CSMD1: variants seen among roughly 807,000 people sequenced by gnomAD.
CSMD1 encodes CUB and sushi domain-containing protein 1.
Under a neutral mutation model 417.5 loss-of-function variants are expected in CSMD1, and 213 were observed. That is an observed-to-expected ratio of 0.51 (90% CI 0.46 to 0.57). CSMD1 has a LOEUF of 0.57. Among genes scored for constraint, CSMD1 ranks in the 20% least tolerant of loss-of-function variants. CSMD1 has a pLI of 0.00. For missense variants in CSMD1, 6,923 were observed against 4,529.7 expected, an observed-to-expected ratio of 1.53 and a Z score of -15.17; for synonymous variants, 2,862 against 1,736.8, an observed-to-expected ratio of 1.65 and a Z score of -16.11.
At chr8:4,918,304 C>A (rs958401285) in intron 1 of CSMD1, among the ~76,000 whole-genome samples, 1 of 152,112 alleles carries the variant, frequency 6.6e-6, no homozygotes, top group Non-Finnish European at 1.5e-5. Flanking sequence ...TTATGAGCTT[C>A]GAAAATCACA....
chr8:4,924,976 G>A (rs981196138), intron 1 of CSMD1, among the ~76,000 whole-genome samples: 6 of 151,970 alleles, frequency 3.9e-5, no homozygotes, highest in African/African-American at 1.5e-4. Context: ...ATCCACCATG[G>A]TGTCTACATT....
chr8:4,548,151 T>C (rs1383759888), intron 2 of CSMD1, among the ~76,000 whole-genome samples: 2 of 151,686 alleles, frequency 1.3e-5, no homozygotes, highest in African/African-American at 4.9e-5. Flanking sequence ...GTACCGAATG[T>C]CTAGGATTGG....
intron 10 of CSMD1, among the ~76,000 whole-genome samples, chr8:3,539,824 G>A (rs999832362): frequency 1.3e-5 from 2 of 151,032 alleles, no homozygotes; most frequent in Non-Finnish European, 2.9e-5. Context: ...AACTCTAGAC[G>A]TGTTAAGGTG....
At chr8:4,733,734 C>G (rs536588658) in intron 1 of CSMD1, among the ~76,000 whole-genome samples, 1 of 152,150 alleles carries the variant, frequency 6.6e-6, no homozygotes, top group South Asian at 2.1e-4. Flanking sequence ...TGTAGGAACC[C>G]ATGAAAGTAA....
intron 2 of CSMD1, among the ~76,000 whole-genome samples, chr8:4,422,388 G>C (rs1797296562): frequency 6.6e-6 from 1 of 152,180 alleles, no homozygotes; most frequent in East Asian, 1.9e-4. Flanking sequence ...TTTGGAAATG[G>C]GGCTTTACAG....
At chr8:4,308,891 T>C (rs1253171427) in intron 3 of CSMD1, among the ~76,000 whole-genome samples, 2 of 152,180 alleles carry the variant, frequency 1.3e-5, no homozygotes, top group East Asian at 3.9e-4. Context: ...AACACATGGT[T>C]TAAAATACTC....
At chr8:4,512,685 A>C (rs1336778868) in intron 2 of CSMD1, among the ~76,000 whole-genome samples, 1 of 152,196 alleles carries the variant, frequency 6.6e-6, no homozygotes, top group Non-Finnish European at 1.5e-5. Context: ...AATACCATTT[A>C]CATTAGCATA....
chr8:3,599,294 T>G (rs150722332), intron 8 of CSMD1, among the ~76,000 whole-genome samples: 1 of 151,502 alleles, frequency 6.6e-6, no homozygotes, highest in African/African-American at 2.4e-5. Context: ...CGTGTGTATG[T>G]GTGGGTGCTG....
At chr8:4,381,983 T>C (rs1267351966) in intron 3 of CSMD1, among the ~76,000 whole-genome samples, 3 of 152,078 alleles carry the variant, frequency 2.0e-5, no homozygotes, top group Admixed American at 6.6e-5. Context: ...TGTGGTAAAA[T>C]GACCGGACCA....
At chr8:4,653,137 A>C (rs1804016204) in intron 1 of CSMD1, among the ~76,000 whole-genome samples, 1 of 152,102 alleles carries the variant, frequency 6.6e-6, no homozygotes, top group African/African-American at 2.4e-5. Context: ...CAGCCCATTT[A>C]GTAGAAATTT....
At chr8:3,973,563 A>T (rs888246490) in intron 5 of CSMD1, among the ~76,000 whole-genome samples, 1 of 152,210 alleles carries the variant, frequency 6.6e-6, no homozygotes. Flanking sequence ...CTTTCTTGTC[A>T]TTCTAGAATT....
intron 5 of CSMD1, among the ~76,000 whole-genome samples, chr8:3,851,822 G>A (rs1285435427): frequency 6.6e-6 from 1 of 152,172 alleles, no homozygotes. Context: ...AAGGATGAGA[G>A]ACTGAGGGCG....
At chr8:4,542,321 TC>T (rs1797428941) in intron 2 of CSMD1, among the ~76,000 whole-genome samples, 1 of 152,068 alleles carries the variant, frequency 6.6e-6, no homozygotes, top group African/African-American at 2.4e-5. Context: ...ATTGTCGTTC[TC>T]CATAACAGAA....
At chr8:4,649,335 A>C (rs1404801998) in intron 1 of CSMD1, among the ~76,000 whole-genome samples, 1 of 152,246 alleles carries the variant, frequency 6.6e-6, no homozygotes, top group Non-Finnish European at 1.5e-5. Flanking sequence ...GAACATTGAC[A>C]GAGTACCTAT....
At chr8:3,723,729 T>C (rs1202574553) in intron 6 of CSMD1, among the ~76,000 whole-genome samples, 1 of 152,212 alleles carries the variant, frequency 6.6e-6, no homozygotes, top group Non-Finnish European at 1.5e-5. Flanking sequence ...TATTGCACAA[T>C]ATCTAACTTA....
intron 3 of CSMD1, among the ~76,000 whole-genome samples, chr8:4,213,924 T>C (rs1800475312): frequency 6.6e-6 from 1 of 152,228 alleles, no homozygotes; most frequent in Admixed American, 6.5e-5. Context: ...GACTCATTAA[T>C]TAGACACTAG....
intron 30 of CSMD1, among the ~76,000 whole-genome samples, chr8:3,211,315 G>C (rs933894037): frequency 1.3e-5 from 2 of 152,322 alleles, no homozygotes; most frequent in African/African-American, 2.4e-5. Flanking sequence ...AAAGTGCTGA[G>C]ATTACAGGCA....
rs145442806 is a variant in CSMD1, at chr8:3,298,214, C to T, written c.3950+9481G>A. Among the ~76,000 whole-genome samples, 147 of 152,276 alleles carry T rather than the reference C, an allele frequency of 9.7e-4. 1 individual carries two copies. The East Asian group carries it at 0.013, about 14-fold the overall frequency. On this transcript the variant is annotated intron_variant, in intron 25 of 69. Transcript: ENST00000635120. ...GTGGAAGGTAGGATTCACCATTACC[C>T]AGCAATTCCTGGCCTCAGTGTATAC...
chr8:3,532,851 A>G (rs1798038338), intron 10 of CSMD1, among the ~76,000 whole-genome samples: 1 of 152,178 alleles, frequency 6.6e-6, no homozygotes. Flanking sequence ...ACAATGACCT[A>G]CAGAAAATAT....
Sources: gnomAD v4.1 joint callset for allele counts (sites outside exome capture counted in the v4.1 genomes callset) on GRCh38, gnomAD v4.1.1 for gene constraint, MANE v1.5 for transcripts, NCBI Gene and HGNC (gene_info 2026-07-23, HGNC 2026-07-21) for gene names.